Variants in VPS13B observed in about 807,000 individuals in gnomAD.
The protein encoded by VPS13B is vacuolar protein sorting 13 homolog B.
VPS13B carries 285 observed loss-of-function variants against 426.4 expected under a neutral mutation model. The ratio of observed to expected loss-of-function variants is 0.67; its 90% CI spans 0.61 to 0.74. The LOEUF (loss-of-function observed/expected upper bound fraction) is 0.74, where lower values mean the gene tolerates loss of function less well. Among genes scored for constraint, VPS13B ranks in the 30% least tolerant of loss-of-function variants. The probability of loss-of-function intolerance (pLI) is 0.00; values close to 1 mark genes in which losing one functional copy is unlikely to be tolerated. For missense variants in VPS13B, 4,537 were observed against 4,782.6 expected, an observed-to-expected ratio of 0.95 and a Z score of 1.51; for synonymous variants, 1,676 against 1,676.4, an observed-to-expected ratio of 1.00 and a Z score of 0.01.
rs755176195 is a variant in VPS13B at position 99,861,947 on chromosome 8, G to T, written c.11215+1G>T. On this transcript the variant is annotated splice_donor_variant, in intron 58 of 61. Transcript: ENST00000357162. LOFTEE classifies it high-confidence loss of function. The stretch of plus-strand genomic sequence containing the variant: ...TCCCGGCTGGGCATCAGCCTGCTTG[G>T]TAAGGGGCTGCGGGGCCTCCCACCT... The T allele has an allele frequency of 1.3e-6, 2 of 1,586,012 alleles. No homozygotes were observed. The highest frequency in any genetic ancestry group is 1.7e-6 in the Non-Finnish European group (2 of 1,168,470).
chr8:99,272,870 T>G (rs1818671673), intron 17 of VPS13B, among the ~76,000 whole-genome samples: 2 of 152,314 alleles, frequency 1.3e-5, no homozygotes, highest in Middle Eastern at 3.4e-3. Context: ...AGTGACCCCC[T>G]ACTCTGAAAA....
rs1278724496 is a variant in VPS13B at position 99,699,917 on chromosome 8, A to T, written c.6439A>T (p.Thr2147Ser). ...CAATGGAAGCCTTAGTGTCAAGGCA[A>T]CACAAAAAGTACCTGGTAAGTCACA... ...NLNGSLSVKATQKVPGIILGS... is the reference protein window; with the variant it reads ...NLNGSLSVKASQKVPGIILGS... The change falls in exon 36 of 62, where the codon ACA (threonine) becomes TCA (serine). Residue 2147 changes from threonine to serine, a missense_variant. Around this residue, in one of 2 missense-constraint regions of VPS13B, gnomAD observed 4,311 missense variants for 4,474.3 expected, o/e 0.96. Transcript: ENST00000357162. 2.5e-6 allele frequency: 4 copies of T among 1,614,024 alleles called. No homozygotes were observed. Among genetic ancestry groups the T allele is most frequent in the Non-Finnish European group, 3.4e-6 (4 of 1,180,006 alleles).
rs61439510 is a variant in VPS13B at position 99,824,200 on chromosome 8, C to A, written c.9330+222C>A. On this transcript the variant is annotated intron_variant, in intron 51 of 61. Coordinates refer to ENST00000357162, the MANE Select transcript of VPS13B (RefSeq NM_152564.5). ...CCAAGAAGGAGGCCCTGACACACTG[C>A]TGGATTAGTCCTGCCTGTGCCCCAT... 1.1e-3 allele frequency among the ~76,000 whole-genome samples: 171 copies of A among 152,262 alleles called. 1 individual carries two copies. Among genetic ancestry groups the A allele is most frequent in the African/African-American group, 4.0e-3 (165 of 41,538 alleles).
At position 99,790,719 on chromosome 8, in the gene VPS13B, A is replaced by G. The variant is rs192573251; in HGVS notation, c.7941+6243A>G. 3.9e-5 allele frequency among the ~76,000 whole-genome samples: 6 copies of G among 152,322 alleles called. No individual in the cohort carries two copies. In the East Asian group the frequency reaches 1.2e-3, roughly 29 times the overall value. On this transcript the variant is annotated intron_variant, in intron 43 of 61. Transcript: ENST00000357162. ...TGGGAAGCTGGCAAGGCTTCCAGAC[A>G]GAAGGGATATTTGTATTACACGTTA...
intron 2 of VPS13B, among the ~76,000 whole-genome samples, chr8:99,033,619 C>T (rs1394888806): frequency 2.6e-5 from 4 of 151,958 alleles, no homozygotes; most frequent in African/African-American, 7.3e-5. Flanking sequence ...AGGCTGGGTG[C>T]GGTGGCTCAC....
intron 33 of VPS13B, among the ~76,000 whole-genome samples, chr8:99,596,635 C>T (rs1827031896): frequency 6.6e-6 from 1 of 151,964 alleles, no homozygotes; most frequent in Admixed American, 6.6e-5. Context: ...GTAGGGACCC[C>T]TCCCTACAAG....
chr8:99,633,169 G>A (rs1196313803), intron 33 of VPS13B, among the ~76,000 whole-genome samples: 1 of 151,954 alleles, frequency 6.6e-6, no homozygotes, highest in Non-Finnish European at 1.5e-5. Flanking sequence ...AAAGGGATAT[G>A]TATGATTTAG....
chr8:99,470,513 A>G (rs1819345949), intron 24 of VPS13B, among the ~76,000 whole-genome samples: 1 of 152,170 alleles, frequency 6.6e-6, no homozygotes, highest in Non-Finnish European at 1.5e-5. Context: ...AGAAAACCAT[A>G]TTATGTGGGC....
At chr8:99,407,632 T>C (rs1441005407) in intron 21 of VPS13B, among the ~76,000 whole-genome samples, 3 of 136,930 alleles carry the variant, frequency 2.2e-5, no homozygotes, top group Non-Finnish European at 4.6e-5. Context: ...TCTCATTTTC[T>C]TTTCTTTTTT....
chr8:99,542,303 A>G (rs1051629157), intron 30 of VPS13B, among the ~76,000 whole-genome samples: 1 of 152,202 alleles, frequency 6.6e-6, no homozygotes, highest in Non-Finnish European at 1.5e-5. Flanking sequence ...TATCTATATA[A>G]TTTATCACAT....
At chr8:99,548,089 C>A (rs1390379405) in intron 30 of VPS13B, among the ~76,000 whole-genome samples, 5 of 152,034 alleles carry the variant, frequency 3.3e-5, no homozygotes, top group Non-Finnish European at 5.9e-5. Context: ...ATTAGGCATT[C>A]TGGTCCTCAC....
chr8:99,619,486 A>T (rs1405861468), intron 33 of VPS13B, among the ~76,000 whole-genome samples: 1 of 152,174 alleles, frequency 6.6e-6, no homozygotes, highest in Non-Finnish European at 1.5e-5. Flanking sequence ...TTGATGTAAG[A>T]CTAGCTTTTA....
intron 39 of VPS13B, among the ~76,000 whole-genome samples, chr8:99,731,905 C>T (rs1833617783): frequency 6.6e-6 from 1 of 151,924 alleles, no homozygotes; most frequent in Non-Finnish European, 1.5e-5. Flanking sequence ...AAGCCTGAAT[C>T]AACCCTGCAG....
At chr8:99,211,331 C>T (rs1334168601) in intron 17 of VPS13B, among the ~76,000 whole-genome samples, 1 of 152,136 alleles carries the variant, frequency 6.6e-6, no homozygotes, top group Non-Finnish European at 1.5e-5. Context: ...TTGCCGACTT[C>T]TTGCATATCT....
chr8:99,380,502 T>G (rs1473284770), intron 19 of VPS13B, among the ~76,000 whole-genome samples: 1 of 152,066 alleles, frequency 6.6e-6, no homozygotes, highest in Non-Finnish European at 1.5e-5. Context: ...TATTGGTCCT[T>G]GGGAGGGCAC....
intron 19 of VPS13B, among the ~76,000 whole-genome samples, chr8:99,326,671 T>G (rs1810297154): frequency 6.6e-6 from 1 of 151,898 alleles, no homozygotes; most frequent in Non-Finnish European, 1.5e-5. Context: ...AGTGCTGGGA[T>G]TATAGACATG....
chr8:99,026,269 A>G (rs1225014558), intron 2 of VPS13B, among the ~76,000 whole-genome samples: 1 of 152,154 alleles, frequency 6.6e-6, no homozygotes, highest in Non-Finnish European at 1.5e-5. Context: ...TTGTTCAAGA[A>G]CATGCTGTTT....
chr8:99,032,163 TC>T (rs1318212553), intron 2 of VPS13B, among the ~76,000 whole-genome samples: 5 of 152,186 alleles, frequency 3.3e-5, no homozygotes, highest in Non-Finnish European at 5.9e-5. Context: ...TGCTCTCCTT[TC>T]CCCTTTATGC....
chr8:99,617,011 T>C (rs1828124213), intron 33 of VPS13B, among the ~76,000 whole-genome samples: 1 of 152,224 alleles, frequency 6.6e-6, no homozygotes, highest in South Asian at 2.1e-4. Flanking sequence ...CGGAGATGTA[T>C]AGTTGTAAGG....
Sources: gnomAD v4.1 joint callset for allele counts (sites outside exome capture counted in the v4.1 genomes callset) on GRCh38, gnomAD v4.1.1 for gene constraint, gnomAD v4.1.1 regional missense constraint, MANE v1.5 for transcripts, NCBI Gene and HGNC (gene_info 2026-07-23, HGNC 2026-07-21) for gene names.